PRDM12: variants seen among roughly 807,000 people sequenced by gnomAD.
PRDM12 encodes PR domain zinc finger protein 12.
A neutral mutation model predicts 29.6 loss-of-function variants in PRDM12; 17 were observed. The observed-to-expected ratio is 0.57, with a 90% confidence interval of 0.39 to 0.86. The LOEUF (loss-of-function observed/expected upper bound fraction) is 0.86. PRDM12 is among the 40% of genes least tolerant of loss of function. PRDM12 has a pLI of 0.00. For synonymous variants in PRDM12, 231 were observed against 225.8 expected, an observed-to-expected ratio of 1.02 and a Z score of -0.21; for missense variants, 422 against 510.8, an observed-to-expected ratio of 0.83 and a Z score of 1.68.
At chr9:130,675,651 C>T (rs1040018303) in intron 3 of PRDM12, among the ~76,000 whole-genome samples, 1 of 152,198 alleles carries the variant, frequency 6.6e-6, no homozygotes, top group East Asian at 1.9e-4. Context: ...CTCCACTGCA[C>T]CCCAAACACC....
intron 4 of PRDM12, among the ~76,000 whole-genome samples, chr9:130,679,988 G>C (rs1037837870): frequency 2.6e-5 from 4 of 152,112 alleles, no homozygotes; most frequent in Non-Finnish European, 5.9e-5. Flanking sequence ...ATGAACCTGA[G>C]CTGGTGAGCT....
intron 4 of PRDM12, among the ~76,000 whole-genome samples, chr9:130,680,659 A>ATATATATATATATATTTTTTTTT: frequency 5.5e-5 from 4 of 72,164 alleles, no homozygotes; most frequent in Non-Finnish European, 8.9e-5. Flanking sequence ...ATATATATAT[A>ATATATATATATATATTTTTTTTT]TTTTTTTTTT....
At chr9:130,666,852 C>G in intron 2 of PRDM12, 54 bp downstream of exon 2, 1 of 1,537,952 alleles carries the variant, frequency 6.5e-7, no homozygotes, top group Non-Finnish European at 8.8e-7. Context: ...GCGCTGGTCG[C>G]GGGTAGGACT....
intron 1 of PRDM12, among the ~76,000 whole-genome samples, chr9:130,665,443 A>G (rs950436411): frequency 1.3e-5 from 2 of 151,878 alleles, no homozygotes; most frequent in Non-Finnish European, 2.9e-5. Flanking sequence ...CGCAAACAAT[A>G]TCTTTCCCTG....
At chr9:130,672,423 A>C (rs1027811337) in intron 3 of PRDM12, among the ~76,000 whole-genome samples, 3 of 152,172 alleles carry the variant, frequency 2.0e-5, no homozygotes, top group Admixed American at 1.3e-4. Context: ...TCCTGACCTC[A>C]AGCGATCTGC....
At chr9:130,671,277 G>A (rs1051434826) in intron 3 of PRDM12, among the ~76,000 whole-genome samples, 11 of 151,912 alleles carry the variant, frequency 7.2e-5, no homozygotes, top group African/African-American at 2.7e-4. Context: ...CCCAGGAGGC[G>A]GAGGTTGTAG....
At chr9:130,667,620 A>G (rs1163324481) in intron 2 of PRDM12, among the ~76,000 whole-genome samples, 1 of 151,868 alleles carries the variant, frequency 6.6e-6, no homozygotes, top group African/African-American at 2.4e-5. Context: ...CCTCCTCTGG[A>G]GGGCTGGACC....
chr9:130,674,356 C>T (rs186486133), intron 3 of PRDM12, among the ~76,000 whole-genome samples: 113 of 152,080 alleles, frequency 7.4e-4, no homozygotes, highest in South Asian at 3.5e-3. Flanking sequence ...ACCATGTTGG[C>T]CAGGCTGGTC....
intron 3 of PRDM12, among the ~76,000 whole-genome samples, chr9:130,676,427 T>C (rs1588187962): frequency 6.6e-6 from 1 of 151,564 alleles, no homozygotes; most frequent in Non-Finnish European, 1.5e-5. Context: ...ACCCAGGAGG[T>C]GGAGCTTGCA....
chr9:130,671,374 GACACACACACACAC>G (rs56920587), intron 3 of PRDM12, among the ~76,000 whole-genome samples: 54 of 135,642 alleles, frequency 4.0e-4, no homozygotes, highest in African/African-American at 7.9e-4. Flanking sequence ...AGAGGATCAG[GACACACACACACAC>G]ACACACACAC....
intron 3 of PRDM12, among the ~76,000 whole-genome samples, chr9:130,673,609 C>T (rs1355961867): frequency 6.6e-6 from 1 of 151,824 alleles, no homozygotes. Flanking sequence ...AATTCTCGTG[C>T]CTCAGCCACC....
chr9:130,679,146 T>C (rs1830869956), intron 4 of PRDM12, among the ~76,000 whole-genome samples: 1 of 152,110 alleles, frequency 6.6e-6, no homozygotes, highest in African/African-American at 2.4e-5. Context: ...CGTATAAGCC[T>C]GTTGAAGGAA....
intron 3 of PRDM12, among the ~76,000 whole-genome samples, chr9:130,673,527 T>A (rs576315685): frequency 3.9e-5 from 6 of 152,086 alleles, no homozygotes; most frequent in African/African-American, 1.4e-4. Flanking sequence ...TTGGAGACAA[T>A]CTTGCTCTGT....
intron 4 of PRDM12, among the ~76,000 whole-genome samples, chr9:130,680,634 A>AATATATATAT (rs1181007721): frequency 1.2e-4 from 11 of 88,492 alleles, no homozygotes; most frequent in East Asian, 9.3e-4. Flanking sequence ...AAAAAAAAAA[A>AATATATATAT]ATATATATAT....
chr9:130,664,931 C>T lies in PRDM12; in HGVS notation c.223+55C>T. On this transcript the variant is annotated intron_variant, in intron 1 of 4. Transcript: ENST00000253008. The surrounding 1 kb of genome is among the most constrained non-coding windows in gnomAD (Gnocchi z 6.4). Reference sequence around the variant, plus strand: ...TCCCTCCTCCCGGCGACCCCCATTCCCGTCCTGGCGATGCGCGAGACGCGG... The same window carrying T: ...TCCCTCCTCCCGGCGACCCCCATTCTCGTCCTGGCGATGCGCGAGACGCGG... 1.4e-6 allele frequency: 2 copies of T among 1,454,928 alleles called. No individual in the cohort carries two copies. The highest frequency in any genetic ancestry group is 1.8e-6 in the Non-Finnish European group (2 of 1,090,922). 90.1% of individuals were successfully genotyped at this position (1,454,928 alleles called of 1,614,324 possible). A position where few individuals can be genotyped will look rare whatever the true frequency, so the allele number is the denominator to read the frequency against.
chr9:130,680,659 A>ATATATTTT, intron 4 of PRDM12, among the ~76,000 whole-genome samples: 30 of 72,162 alleles, frequency 4.2e-4, no homozygotes, highest in South Asian at 2.2e-3. Context: ...ATATATATAT[A>ATATATTTT]TTTTTTTTTT....
intron 1 of PRDM12, among the ~76,000 whole-genome samples, chr9:130,666,338 G>A (rs1309467996): frequency 6.6e-6 from 1 of 152,208 alleles, no homozygotes; most frequent in Non-Finnish European, 1.5e-5. Flanking sequence ...GAGAATTCGC[G>A]GAGAGACTAA....
Position 130,668,365 on chromosome 9 carries a change from G to C in PRDM12, c.570+52G>C. The C allele has an allele frequency of 8.1e-6, 13 of 1,604,444 alleles. No homozygotes were observed. The highest frequency in any genetic ancestry group is 1.1e-5 in the Non-Finnish European group (13 of 1,173,118). On this transcript the variant is annotated intron_variant, in intron 3 of 4. Coordinates refer to ENST00000253008, the MANE Select transcript of PRDM12 (RefSeq NM_021619.3). The surrounding 1 kb of genome is among the most constrained non-coding windows in gnomAD (Gnocchi z 4.0). ...GTAGGGACCAGCCGGTAAACCCGGC[G>C]GGGGGAGGTGTGCAGGGCAGCGGTG...
intron 3 of PRDM12, among the ~76,000 whole-genome samples, chr9:130,674,505 T>TGC (rs1424777288): frequency 6.6e-6 from 1 of 151,144 alleles, no homozygotes. Context: ...TGTGTGTGTG[T>TGC]GTGTGTGTGT....
Sources: allele counts gnomAD v4.1 joint callset (sites outside exome capture counted in the v4.1 genomes callset), GRCh38; gene constraint gnomAD v4.1.1; non-coding constraint Gnocchi (gnomAD v3.1); transcripts MANE v1.5; gene names NCBI Gene and HGNC (gene_info 2026-07-23, HGNC 2026-07-21).